The following DPY19L1 variants were observed in gnomAD, a reference collection of about 807,000 sequenced individuals.
The protein encoded by DPY19L1 is dpy-19 like C-mannosyltransferase 1.
A neutral mutation model predicts 96.9 loss-of-function variants in DPY19L1; 35 were observed. The observed-to-expected ratio is 0.36, with a 90% CI of 0.28 to 0.48. The LOEUF (loss-of-function observed/expected upper bound fraction) is 0.48. Ranked by LOEUF, DPY19L1 falls within the 20% of genes least tolerant of loss-of-function variation. The probability of loss-of-function intolerance (pLI) is 0.99; values close to 1 mark genes in which losing one functional copy is unlikely to be tolerated. For synonymous variants in DPY19L1, 205 were observed against 252.6 expected, an observed-to-expected ratio of 0.81 and a Z score of 1.79; for missense variants, 521 against 777.9, an observed-to-expected ratio of 0.67 and a Z score of 3.93.
At position 34,940,217 on chromosome 7, in the gene DPY19L1, TACAATA is replaced by T. The variant is rs1455274968; in HGVS notation, c.1794_1799del (p.Asn598_Val600delinsLys). ...CTTGGGGCAAATTGCTGAACTCCCC[TACAATA>T]TTCCACTGGGTTTGCAGATTTGCTG... On this transcript the variant is annotated inframe_deletion, in exon 19 of 22. Transcript: ENST00000638088. The T allele has an allele frequency of 6.2e-7, 1 of 1,611,156 alleles. No individual in the cohort carries two copies. Among genetic ancestry groups the T allele is most frequent in the Non-Finnish European group, 8.5e-7 (1 of 1,179,228 alleles).
rs12113139 is a variant in DPY19L1 at position 35,011,697 on chromosome 7, T to G, written c.550-247A>C. 6.5e-3 allele frequency among the ~76,000 whole-genome samples: 986 copies of G among 152,262 alleles called. 11 individuals carry two copies. The highest frequency in any genetic ancestry group is 0.023 in the African/African-American group (938 of 41,558). ...AAAAAAAGTGCTAAATTTATGTTTT[T>G]CAAAAGCTCTACAACTCTACTAAGA... On this transcript the variant is annotated intron_variant, in intron 4 of 21. Coordinates refer to ENST00000638088, the MANE Select transcript of DPY19L1 (RefSeq NM_001366673.1).
At chr7:35,002,417 G>C (rs964770836) in intron 6 of DPY19L1, among the ~76,000 whole-genome samples, 1 of 151,886 alleles carries the variant, frequency 6.6e-6, no homozygotes, top group African/African-American at 2.4e-5. Flanking sequence ...CAAAGCCAAA[G>C]AGCTTAAAAA....
intron 1 of DPY19L1, among the ~76,000 whole-genome samples, chr7:35,028,907 T>A (rs555865656): frequency 6.6e-6 from 1 of 152,300 alleles, no homozygotes; most frequent in East Asian, 1.9e-4. Flanking sequence ...ATGGCACTGG[T>A]GGATATGTCT....
In DPY19L1 at chr7:34,940,142, T is replaced by G. The variant is rs1326152834; in HGVS notation, c.1864+11A>C. The G allele has an allele frequency of 6.8e-7, 1 of 1,464,658 alleles. No individual in the cohort carries two copies. Among genetic ancestry groups the G allele is most frequent in the South Asian group, 1.4e-5 (1 of 70,756 alleles). The allele number at this position is 1,464,658 out of a possible 1,614,324, so 90.7% of individuals were successfully genotyped here. On this transcript the variant is annotated intron_variant, in intron 19 of 21. Coordinates refer to ENST00000638088, the MANE Select transcript of DPY19L1 (RefSeq NM_001366673.1). ...ATAATATGACTTTTTTTTTCTTTTT[T>G]TTTTTTTTACCTGGTTTAGTACTAT...
At chr7:34,971,303 G>T (rs529781096) in intron 8 of DPY19L1, among the ~76,000 whole-genome samples, 7 of 152,272 alleles carry the variant, frequency 4.6e-5, no homozygotes, top group African/African-American at 1.7e-4. Context: ...AAGAAAGGAG[G>T]TTTAGCAGGT....
chr7:34,939,465 CAG>C (rs2128781097), intron 19 of DPY19L1, 90 bp from the exon 20 acceptor site: 1 of 1,130,436 alleles, frequency 8.8e-7, no homozygotes, highest in South Asian at 1.4e-5. Context: ...TCACAGGTAA[CAG>C]AGCGGAAGCC....
intron 10 of DPY19L1, among the ~76,000 whole-genome samples, chr7:34,965,129 C>CGG (rs1321151325): frequency 9.9e-5 from 15 of 152,250 alleles, no homozygotes; most frequent in African/African-American, 3.4e-4. Flanking sequence ...AACAAGTTTA[C>CGG]TACCAGGTAA....
intron 7 of DPY19L1, among the ~76,000 whole-genome samples, chr7:34,980,003 T>A (rs1013195079): frequency 6.6e-6 from 1 of 152,124 alleles, no homozygotes; most frequent in Admixed American, 6.5e-5. Flanking sequence ...CTATGAGATA[T>A]TGAACTTATA....
At position 34,966,678 on chromosome 7, in the gene DPY19L1, A is replaced by G. The variant is rs1460667424; in HGVS notation, c.1092+216T>C. Among the ~76,000 whole-genome samples, 7 of 152,342 alleles carry G rather than the reference A, an allele frequency of 4.6e-5. No individual in the cohort carries two copies. The East Asian group carries it at 1.2e-3, about 25-fold the overall frequency. On this transcript the variant is annotated intron_variant, in intron 10 of 21. Transcript: ENST00000638088. ...AAATTATTTCTTTTACTGATACTGC[A>G]TAAGTTGGGCACAACTTCAATCAGA...
chr7:35,003,439 G>A (rs1480222874), intron 6 of DPY19L1, among the ~76,000 whole-genome samples: 10 of 152,232 alleles, frequency 6.6e-5, no homozygotes, highest in Non-Finnish European at 1.5e-4. Context: ...CCAGATTCTT[G>A]TCTGTATTTT....
chr7:34,951,807 CAAA>C (rs1217280913), intron 13 of DPY19L1, among the ~76,000 whole-genome samples: 1 of 151,394 alleles, frequency 6.6e-6, no homozygotes, highest in Non-Finnish European at 1.5e-5. Flanking sequence ...ATGATGCAAA[CAAA>C]AAGCAAAATG....
intron 9 of DPY19L1, among the ~76,000 whole-genome samples, chr7:34,968,725 C>A (rs1483418657): frequency 7.4e-6 from 1 of 135,678 alleles, no homozygotes; most frequent in Non-Finnish European, 1.5e-5. Context: ...GCCGAGATTG[C>A]GCCACTGCAT....
intron 20 of DPY19L1, among the ~76,000 whole-genome samples, chr7:34,938,787 A>C (rs1783927877): frequency 6.6e-6 from 1 of 152,188 alleles, no homozygotes; most frequent in Non-Finnish European, 1.5e-5. Flanking sequence ...ATTATTTTTT[A>C]AAGTCTCAAA....
At chr7:35,000,980 A>G (rs2128675390) in intron 6 of DPY19L1, among the ~76,000 whole-genome samples, 1 of 152,310 alleles carries the variant, frequency 6.6e-6, no homozygotes, top group African/African-American at 2.4e-5. Context: ...CACGTTTTGG[A>G]GCCACTGTTG....
chr7:34,958,158 TA>T, intron 10 of DPY19L1, 88 bp from the exon 11 acceptor site: 1 of 829,962 alleles, frequency 1.2e-6, no homozygotes, highest in Non-Finnish European at 1.8e-6. Context: ...ATGCCCATAA[TA>T]AACAAAATTC....
At chr7:34,966,445 G>C (rs1407941723) in intron 10 of DPY19L1, among the ~76,000 whole-genome samples, 1 of 151,938 alleles carries the variant, frequency 6.6e-6, no homozygotes, top group African/African-American at 2.4e-5. Context: ...CTACAGGCAT[G>C]CATCACCATG....
At chr7:34,979,639 C>G (rs564221687) in intron 7 of DPY19L1, among the ~76,000 whole-genome samples, 1 of 151,862 alleles carries the variant, frequency 6.6e-6, no homozygotes, top group Non-Finnish European at 1.5e-5. Flanking sequence ...GTTTCTGGAA[C>G]CTTTTTGAGT....
At chr7:34,950,392 C>G (rs544220002) in intron 13 of DPY19L1, among the ~76,000 whole-genome samples, 3 of 152,176 alleles carry the variant, frequency 2.0e-5, no homozygotes, top group African/African-American at 7.2e-5. Context: ...ATAATCACCT[C>G]TCATATAATT....
chr7:35,011,322 A>T lies in DPY19L1; in HGVS notation c.670+8T>A, dbSNP rs1322864138. The stretch of plus-strand genomic sequence containing the variant: ...GATAACTGGACAATATTACAGAAAG[A>T]AACTTACCTTCACAGCTTTCAATAG... On this transcript the variant is annotated splice_region_variant and intron_variant, in intron 5 of 21. Coordinates refer to ENST00000638088, the MANE Select transcript of DPY19L1 (RefSeq NM_001366673.1). 6.2e-7 allele frequency: 1 copy of T among 1,611,056 alleles called. No individual in the cohort carries two copies. The highest frequency in any genetic ancestry group is 8.5e-7 in the Non-Finnish European group (1 of 1,179,542).
Sources: gnomAD v4.1 joint callset for allele counts (sites outside exome capture counted in the v4.1 genomes callset) on GRCh38, gnomAD v4.1.1 for gene constraint, MANE v1.5 for transcripts, NCBI Gene and HGNC (gene_info 2026-07-23, HGNC 2026-07-21) for gene names.